AOPEP: variants seen among roughly 807,000 people sequenced by gnomAD.
The protein encoded by AOPEP is aminopeptidase O (putative).
AOPEP carries 77 observed loss-of-function variants against 98.1 expected under a neutral mutation model. The ratio of observed to expected loss-of-function variants is 0.78; its 90% CI spans 0.65 to 0.95. The LOEUF (loss-of-function observed/expected upper bound fraction) is 0.95. Among genes scored for constraint, AOPEP ranks in the 40% least tolerant of loss-of-function variants. AOPEP has a pLI of 0.00. For missense variants in AOPEP, 1,024 were observed against 1,024.7 expected (o/e 1.00, Z 0.01); for synonymous variants, 346 against 365.3 (o/e 0.95, Z 0.60).
rs1231880112 is a variant in AOPEP at position 94,955,065 on chromosome 9, A to G, written c.1662-112A>G. On this transcript the variant is annotated intron_variant, in intron 7 of 16. Transcript: ENST00000375315. ...TCTAAATTATACCTGGTACTGTTGA[A>G]TAGAATCAGGATGATATTGAGCAAC... The G allele has an allele frequency of 1.0e-5, 6 of 602,404 alleles. No individual in the cohort carries two copies. The Admixed American group carries it at 1.9e-4, about 19-fold the overall frequency. 37.3% of individuals were successfully genotyped at this position (602,404 alleles called of 1,614,324 possible).
chr9:95,095,834 C>T, the AOPEP span, among the ~76,000 whole-genome samples: 1 of 151,600 alleles, frequency 6.6e-6, no homozygotes, highest in East Asian at 1.9e-4. Flanking sequence ...CAGTGACCTG[C>T]ACGCAGGGGT....
chr9:94,845,491 G>A (rs1435769716), intron 5 of AOPEP, among the ~76,000 whole-genome samples: 10 of 152,232 alleles, frequency 6.6e-5, no homozygotes, highest in Admixed American at 6.5e-4. Flanking sequence ...AAAAGATCAT[G>A]CTGGGTGGAT....
intron 5 of AOPEP, among the ~76,000 whole-genome samples, chr9:94,922,887 A>G (rs2053824247): frequency 6.6e-6 from 1 of 152,232 alleles, no homozygotes; most frequent in Non-Finnish European, 1.5e-5. Flanking sequence ...GATGTTGTGT[A>G]AGGGAACTCG....
At chr9:95,016,613 G>C (rs895041602) in intron 13 of AOPEP, among the ~76,000 whole-genome samples, 1 of 151,858 alleles carries the variant, frequency 6.6e-6, no homozygotes, top group Non-Finnish European at 1.5e-5. Flanking sequence ...CACAGATATA[G>C]CATGACCTTT....
At chr9:95,100,823 G>A in the AOPEP span, 8 of 227,662 alleles carry the variant, frequency 3.5e-5, no homozygotes, top group Non-Finnish European at 6.1e-5. Context: ...TAGAGATAGG[G>A]TATTGCCATG....
intron 5 of AOPEP, among the ~76,000 whole-genome samples, chr9:94,882,204 TAGA>T (rs1158108154): frequency 1.3e-5 from 2 of 152,188 alleles, no homozygotes; most frequent in African/African-American, 4.8e-5. Flanking sequence ...GTAATTTGAC[TAGA>T]AGATTAGTGG....
chr9:94,774,215 G>A (rs903138272), intron 3 of AOPEP, among the ~76,000 whole-genome samples: 6 of 151,006 alleles, frequency 4.0e-5, no homozygotes, highest in African/African-American at 1.5e-4. Flanking sequence ...GGGAGGCTGA[G>A]GCAGGAGAAT....
At chr9:94,821,209 G>A (rs939802169) in intron 5 of AOPEP, among the ~76,000 whole-genome samples, 1 of 152,120 alleles carries the variant, frequency 6.6e-6, no homozygotes, top group South Asian at 2.1e-4. Context: ...GTGCCTTGGC[G>A]TTGAGTGAAT....
intron 5 of AOPEP, among the ~76,000 whole-genome samples, chr9:94,870,279 C>T (rs1005302506): frequency 2.6e-5 from 4 of 152,082 alleles, no homozygotes; most frequent in Non-Finnish European, 5.9e-5. Flanking sequence ...CGTGAGCCAC[C>T]GCGCCCAGCT....
chr9:94,773,138 A>C lies in AOPEP; in HGVS notation c.934A>C (p.Asn312His). 6.2e-7 allele frequency: 1 copy of C among 1,614,030 alleles called. No homozygotes were observed. The highest frequency in any genetic ancestry group is 8.5e-7 in the Non-Finnish European group (1 of 1,179,978). The change falls in exon 3 of 17, where the codon AAT becomes CAT. Residue 312 changes from asparagine (N) to histidine (H), a missense_variant. Physicochemically the swap from Asn to His is moderately conservative, Grantham distance 68 (BLOSUM62 1). Transcript: ENST00000375315. ...ASFVVLMSGE[N>H]SAKPTQLWEE... ...TTTTGTTGTTTTAATGAGTGGGGAAAATTCTGCCAAACCAACGCAGCTTTG... is the reference window on the plus strand; with the variant it reads ...TTTTGTTGTTTTAATGAGTGGGGAACATTCTGCCAAACCAACGCAGCTTTG...
the AOPEP span, among the ~76,000 whole-genome samples, chr9:95,096,497 A>T: frequency 2.0e-5 from 3 of 152,080 alleles, no homozygotes; most frequent in African/African-American, 7.2e-5. Context: ...GGGTCTTCAC[A>T]CCGCCAGTGG....
rs939330467 is a variant in AOPEP at position 94,773,185 on chromosome 9, C to A, written c.964+17C>A. 1 of 1,603,796 alleles carries A rather than the reference C, an allele frequency of 6.2e-7. No individual in the cohort carries two copies. On this transcript the variant is annotated intron_variant, in intron 3 of 16. Coordinates refer to ENST00000375315, the MANE Select transcript of AOPEP (RefSeq NM_001193329.3). ...TTTGGGAAGGTACTGTACATGTGTT[C>A]TTTGCTTATTTATGTATTGCACACA... is the stretch of plus-strand genomic sequence containing the variant.
chr9:94,861,537 C>T (rs2044990724), intron 5 of AOPEP, among the ~76,000 whole-genome samples: 2 of 152,170 alleles, frequency 1.3e-5, no homozygotes, highest in Admixed American at 1.3e-4. Context: ...ACTTCCATGA[C>T]AACAGAGCCA....
intron 4 of AOPEP, among the ~76,000 whole-genome samples, chr9:94,797,992 C>A (rs960223727): frequency 4.6e-5 from 7 of 152,186 alleles, no homozygotes; most frequent in Non-Finnish European, 1.0e-4. Context: ...GCATGAGCCA[C>A]CATGTCTGGC....
the AOPEP span, among the ~76,000 whole-genome samples, chr9:95,131,805 A>C: frequency 6.6e-6 from 1 of 152,188 alleles, no homozygotes; most frequent in East Asian, 1.9e-4. Flanking sequence ...TCTTCAGCAC[A>C]ATATTTTACC....
intron 13 of AOPEP, among the ~76,000 whole-genome samples, chr9:95,049,500 A>G (rs937072258): frequency 1.3e-5 from 2 of 152,208 alleles, no homozygotes; most frequent in Non-Finnish European, 2.9e-5. Context: ...TTTTCTATAG[A>G]CTATTTTCCA....
downstream of AOPEP, among the ~76,000 whole-genome samples, chr9:95,089,477 A>G (rs923479253): frequency 6.6e-6 from 1 of 152,226 alleles, no homozygotes; most frequent in African/African-American, 2.4e-5. Flanking sequence ...TTCATCTGCC[A>G]AGTGGCAGGG....
the AOPEP span, among the ~76,000 whole-genome samples, chr9:95,127,831 T>C: frequency 6.6e-6 from 1 of 152,360 alleles, no homozygotes; most frequent in East Asian, 1.9e-4. Context: ...CGTCCACTGG[T>C]CAGCACTGCT....
At chr9:94,800,650 C>A in intron 4 of AOPEP, 107 bp from the exon 5 acceptor site, 1 of 1,148,174 alleles carries the variant, frequency 8.7e-7, no homozygotes, top group Non-Finnish European at 1.3e-6. Context: ...GCTTGTGAGT[C>A]TGTCTGAACC....
Sources: gnomAD v4.1 joint callset for allele counts (sites outside exome capture counted in the v4.1 genomes callset) on GRCh38, gnomAD v4.1.1 for gene constraint, MANE v1.5 for transcripts, NCBI Gene and HGNC (gene_info 2026-07-23, HGNC 2026-07-21) for gene names.